BICC1: variants seen among roughly 807,000 people sequenced by gnomAD.
BICC1 encodes the protein protein bicaudal C homolog 1.
In BICC1, 43 loss-of-function variants were observed where a neutral mutation model predicts 111.0. The observed-to-expected ratio is 0.39, with a 90% CI of 0.30 to 0.50. The LOEUF (loss-of-function observed/expected upper bound fraction) is 0.50, where lower values mean the gene tolerates loss of function less well. Among genes scored for constraint, BICC1 ranks in the 20% least tolerant of loss-of-function variants. The pLI is 0.88. For synonymous variants in BICC1, 467 were observed against 434.4 expected, an observed-to-expected ratio of 1.07 and a Z score of -0.93; for missense variants, 1,091 against 1,203.2, an observed-to-expected ratio of 0.91 and a Z score of 1.38.
At chr10:58,800,361 T>C (rs1334238270) in intron 13 of BICC1, 35 bp downstream of exon 13, 1 of 1,600,394 alleles carries the variant, frequency 6.2e-7, no homozygotes, top group Non-Finnish European at 8.5e-7. Flanking sequence ...TTCATTTTGG[T>C]TGTTATTTGG....
intron 1 of BICC1, among the ~76,000 whole-genome samples, chr10:58,618,054 T>G (rs1212972730): frequency 6.6e-6 from 1 of 152,224 alleles, no homozygotes; most frequent in Non-Finnish European, 1.5e-5. Flanking sequence ...TCCCTCTGCC[T>G]AGGGGGTGGA....
intron 2 of BICC1, among the ~76,000 whole-genome samples, chr10:58,700,186 G>A (rs930531284): frequency 2.0e-5 from 3 of 152,192 alleles, no homozygotes; most frequent in African/African-American, 7.2e-5. Context: ...AATAAACACA[G>A]TGAGGTGGGA....
chr10:58,717,380 A>G (rs560944472), intron 3 of BICC1, among the ~76,000 whole-genome samples: 1 of 151,888 alleles, frequency 6.6e-6, no homozygotes, highest in Non-Finnish European at 1.5e-5. Context: ...AAACAGCTTC[A>G]TATTGAAGCT....
intron 1 of BICC1, among the ~76,000 whole-genome samples, chr10:58,585,503 T>C (rs1844404248): frequency 6.6e-6 from 1 of 152,204 alleles, no homozygotes; most frequent in Admixed American, 6.5e-5. Context: ...TTTTGATAAA[T>C]TGAGAACTAT....
intron 3 of BICC1, among the ~76,000 whole-genome samples, chr10:58,775,397 C>CA (rs999513284): frequency 1.0e-4 from 15 of 149,806 alleles, no homozygotes; most frequent in African/African-American, 2.5e-4. Context: ...AAACAAAAAA[C>CA]AAAAAAAAAC....
At chr10:58,727,833 T>TA in intron 3 of BICC1, among the ~76,000 whole-genome samples, 1 of 152,162 alleles carries the variant, frequency 6.6e-6, no homozygotes, top group Middle Eastern at 3.2e-3. Context: ...ATAAAGCAAA[T>TA]ACCTCATTAA....
chr10:58,650,113 A>G (rs572580943), intron 2 of BICC1: 1 of 152,180 alleles, frequency 6.6e-6, no homozygotes, highest in Non-Finnish European at 1.5e-5. Flanking sequence ...GCTAGTCACT[A>G]TCTACTGAAG....
intron 3 of BICC1, among the ~76,000 whole-genome samples, chr10:58,736,586 T>C (rs1181176355): frequency 6.6e-6 from 1 of 152,214 alleles, no homozygotes; most frequent in African/African-American, 2.4e-5. Flanking sequence ...TAAGAAACAC[T>C]GTAATGCCGT....
At chr10:58,545,109 G>A (rs918716130) in intron 1 of BICC1, among the ~76,000 whole-genome samples, 1 of 151,998 alleles carries the variant, frequency 6.6e-6, no homozygotes, top group Non-Finnish European at 1.5e-5. Context: ...AATTTATATT[G>A]TTTAAGCCAC....
At chr10:58,534,519 A>C (rs1842777264) in intron 1 of BICC1, among the ~76,000 whole-genome samples, 2 of 151,792 alleles carry the variant, frequency 1.3e-5, no homozygotes, top group South Asian at 4.1e-4. Flanking sequence ...ACCTAGAGCC[A>C]AAGCTAGGTG....
chr10:58,587,765 C>T (rs1465380455), intron 1 of BICC1, among the ~76,000 whole-genome samples: 1 of 152,126 alleles, frequency 6.6e-6, no homozygotes, highest in African/African-American at 2.4e-5. Context: ...TAGGGTTTGG[C>T]TGGCTAAAAA....
chr10:58,817,963 C>T (rs1844147361), intron 19 of BICC1, among the ~76,000 whole-genome samples: 2 of 152,244 alleles, frequency 1.3e-5, no homozygotes, highest in South Asian at 4.1e-4. Context: ...AGCTGTCTAA[C>T]AGTTTTAGCA....
chr10:58,777,666 G>A (rs1348259300), intron 3 of BICC1, among the ~76,000 whole-genome samples: 1 of 151,824 alleles, frequency 6.6e-6, no homozygotes, highest in African/African-American at 2.4e-5. Flanking sequence ...CTTACAATTC[G>A]CTCACGTCAC....
intron 2 of BICC1, among the ~76,000 whole-genome samples, chr10:58,649,009 A>G (rs1838358483): frequency 6.6e-6 from 1 of 152,198 alleles, no homozygotes; most frequent in Non-Finnish European, 1.5e-5. Context: ...CTTCTCTAAT[A>G]ACAACAGCCA....
intron 18 of BICC1, among the ~76,000 whole-genome samples, chr10:58,814,749 T>C (rs1844031370): frequency 6.6e-6 from 1 of 151,894 alleles, no homozygotes; most frequent in Admixed American, 6.6e-5. Context: ...TGAGCTGTAA[T>C]TGAACCACTG....
intron 1 of BICC1, among the ~76,000 whole-genome samples, chr10:58,597,118 G>C (rs1446432017): frequency 2.0e-5 from 3 of 152,122 alleles, no homozygotes; most frequent in Non-Finnish European, 4.4e-5. Context: ...TTCTATAAGT[G>C]TCAGCTGGCT....
chr10:58,744,830 G>A (rs35010151), intron 3 of BICC1, among the ~76,000 whole-genome samples: 7,000 of 152,182 alleles, frequency 0.046, 237 homozygotes, highest in Middle Eastern at 0.092. Context: ...GGGTAATAGA[G>A]AACATCTGGA....
intron 1 of BICC1, among the ~76,000 whole-genome samples, chr10:58,616,695 A>G (rs926119956): frequency 6.6e-6 from 1 of 152,212 alleles, no homozygotes; most frequent in Non-Finnish European, 1.5e-5. Flanking sequence ...GCTGTCTATC[A>G]GTGGGCTTGA....
intron 3 of BICC1, among the ~76,000 whole-genome samples, chr10:58,707,763 T>C (rs1361577893): frequency 6.6e-6 from 1 of 151,972 alleles, no homozygotes. Context: ...AATGGCGCAA[T>C]CTCGGCTCAC....
Sources: allele counts gnomAD v4.1 joint callset (sites outside exome capture counted in the v4.1 genomes callset), GRCh38; gene constraint gnomAD v4.1.1; transcripts MANE v1.5; gene names NCBI Gene and HGNC (gene_info 2026-07-23, HGNC 2026-07-21).